FAH: variants seen among roughly 807,000 people sequenced by gnomAD.
FAH encodes fumarylacetoacetate hydrolase, also known as fumarylacetoacetase.
FAH carries 47 observed loss-of-function variants against 55.8 expected under a neutral mutation model. The ratio of observed to expected loss-of-function variants is 0.84; its 90% CI spans 0.67 to 1.07. The LOEUF is 1.07. Among genes scored for constraint, FAH ranks in the 50% least tolerant of loss-of-function variants. FAH has a pLI of 0.00. For missense variants in FAH, 495 were observed against 545.9 expected (o/e 0.91, Z 0.93); for synonymous variants, 199 against 207.7 (o/e 0.96, Z 0.36).
intron 13 of FAH, among the ~76,000 whole-genome samples, chr15:80,182,296 A>G (rs899712761): frequency 2.6e-5 from 4 of 152,098 alleles, no homozygotes; most frequent in Non-Finnish European, 5.9e-5. Flanking sequence ...CAGAAAATTT[A>G]CTATATAAGG....
intron 10 of FAH, 34 bp downstream of exon 10, chr15:80,175,125 T>C: frequency 1.9e-6 from 3 of 1,584,652 alleles, no homozygotes; most frequent in Non-Finnish European, 2.6e-6. Context: ...GGCCAGGAGC[T>C]CTGAGGCAAT....
At chr15:80,185,341 C>G (rs936349327) in intron 13 of FAH, among the ~76,000 whole-genome samples, 1 of 152,148 alleles carries the variant, frequency 6.6e-6, no homozygotes, top group African/African-American at 2.4e-5. Context: ...TGGGCACTAT[C>G]ATAAGATCCA....
intron 11 of FAH, among the ~76,000 whole-genome samples, chr15:80,177,916 A>G (rs2041297905): frequency 6.6e-6 from 1 of 152,192 alleles, no homozygotes; most frequent in African/African-American, 2.4e-5. Context: ...AGCATAATAT[A>G]CATAGATAAA....
chr15:80,177,601 T>C lies in FAH; in HGVS notation c.960+18T>C, dbSNP rs1300585175. The C allele has an allele frequency of 6.2e-7, 1 of 1,609,556 alleles. No homozygotes were observed. The highest frequency in any genetic ancestry group is 2.2e-5 in the East Asian group (1 of 44,856). The stretch of plus-strand genomic sequence containing the variant: ...ATTTTAAGGTAAGCTTTGACGCTGA[T>C]CAGACTGCTTTTTAGAATTGAGGGA... On this transcript the variant is annotated intron_variant, in intron 11 of 13. Transcript: ENST00000561421.
chr15:80,155,702 A>G (rs900726581), intron 1 of FAH, among the ~76,000 whole-genome samples: 12 of 151,972 alleles, frequency 7.9e-5, no homozygotes, highest in African/African-American at 2.9e-4. Flanking sequence ...ACTGATATTT[A>G]TTGCACACAA....
upstream of FAH, chr15:80,152,854 G>T: frequency 1.7e-6 from 1 of 577,444 alleles, no homozygotes; most frequent in Non-Finnish European, 3.1e-6. Flanking sequence ...AGGGGGGAGG[G>T]GCAGGGCTCG....
At chr15:80,185,482 C>G (rs1447926750) in intron 13 of FAH, among the ~76,000 whole-genome samples, 4 of 152,210 alleles carry the variant, frequency 2.6e-5, no homozygotes, top group Non-Finnish European at 5.9e-5. Flanking sequence ...AACCCAAACC[C>G]ATGTGGGGAG....
At chr15:80,173,659 ACT>A in intron 9 of FAH, 6 of 238,632 alleles carry the variant, frequency 2.5e-5, no homozygotes, top group East Asian at 2.2e-4. Context: ...AATCTGCCCC[ACT>A]CCATCACTGG....
At position 80,172,272 on chromosome 15, in the gene FAH, G is replaced by C. The variant is rs371479394; in HGVS notation, c.706+24G>C. ...TGGTAATTACTGGAGCTCTGCTCCT[G>C]TAGAGATGACGGGGAGGAGGCTGGG... is the stretch of plus-strand genomic sequence containing the variant. On this transcript the variant is annotated intron_variant, in intron 8 of 13. Coordinates refer to ENST00000561421, the MANE Select transcript of FAH (RefSeq NM_000137.4). The C allele has an allele frequency of 6.4e-6, 10 of 1,553,956 alleles. No individual in the cohort carries two copies. The Admixed American group carries it at 1.2e-4, about 18-fold the overall frequency.
rs1162396372 is a variant in FAH, at chr15:80,153,040, C to G, written c.-15C>G. The G allele has an allele frequency of 1.2e-6, 2 of 1,611,748 alleles. No individual in the cohort carries two copies. The highest frequency in any genetic ancestry group is 1.7e-6 in the Non-Finnish European group (2 of 1,179,290). On this transcript the variant is annotated 5_prime_UTR_variant, in exon 1 of 14. Coordinates refer to ENST00000561421, the MANE Select transcript of FAH (RefSeq NM_000137.4). ...CGCCACCTTAGGCCCGCAGCCGTGC[C>G]GGGTGCTCTTCAGCATGTCCTTCAT...
intron 1 of FAH, chr15:80,157,501 A>C (rs1309497107): frequency 5.9e-6 from 1 of 169,456 alleles, no homozygotes; most frequent in Non-Finnish European, 1.3e-5. Context: ...TACAGAAAGG[A>C]ACTTGCCTTG....
chr15:80,181,204 C>T lies in FAH; in HGVS notation c.1180+45C>T, dbSNP rs763438036. 7.3e-6 allele frequency: 10 copies of T among 1,377,734 alleles called. No individual in the cohort carries two copies. The Admixed American group carries it at 1.7e-4, about 23-fold the overall frequency. 85.3% of individuals were successfully genotyped at this position (1,377,734 alleles called of 1,614,324 possible). On this transcript the variant is annotated intron_variant, in intron 13 of 13. Transcript: ENST00000561421. ...GCAGCTCGTCTTCCTCCTTGCCCGCCATGCACTGTTCTAGCTGCGGGGCGC... is the reference window on the plus strand; with the variant it reads ...GCAGCTCGTCTTCCTCCTTGCCCGCTATGCACTGTTCTAGCTGCGGGGCGC...
intron 1 of FAH, 126 bp from the exon 2 acceptor site, chr15:80,157,934 C>G: frequency 1.3e-6 from 1 of 745,736 alleles, no homozygotes; most frequent in Admixed American, 1.9e-5. Context: ...GTTCTTCAGT[C>G]CGCTCTGCAT....
intron 10 of FAH, 157 bp from the exon 11 acceptor site, chr15:80,177,380 T>G: frequency 2.8e-6 from 2 of 716,226 alleles, no homozygotes; most frequent in South Asian, 3.1e-5. Context: ...ACCCTGGACC[T>G]CCCAGCTCTG....
chr15:80,162,422 C>A, intron 5 of FAH, 86 bp downstream of exon 5: 1 of 1,172,190 alleles, frequency 8.5e-7, no homozygotes, highest in Non-Finnish European at 1.3e-6. Context: ...CTGCCAAGTT[C>A]TTCTTAAAGT....
intron 10 of FAH, among the ~76,000 whole-genome samples, chr15:80,176,307 T>C (rs1330523021): frequency 3.9e-5 from 6 of 152,248 alleles, no homozygotes; most frequent in African/African-American, 1.4e-4. Flanking sequence ...TGAGCCACCA[T>C]GCCCGGCCAG....
At position 80,168,707 on chromosome 15, in the gene FAH, C is replaced by T. The variant is rs188053232; in HGVS notation, c.606+391C>T. 1.1e-4 allele frequency among the ~76,000 whole-genome samples: 16 copies of T among 152,240 alleles called. No homozygotes were observed. The East Asian group carries it at 1.3e-3, about 13-fold the overall frequency. On this transcript the variant is annotated intron_variant, in intron 7 of 13. Transcript: ENST00000561421. ...AAACATGTGTCCTTTGTAGTCTATT[C>T]GGTGCCATGTTTTTTGCAGATCTGT... is the stretch of plus-strand genomic sequence containing the variant.
intron 8 of FAH, 87 bp from the exon 9 acceptor site, chr15:80,172,927 T>C: frequency 6.3e-7 from 1 of 1,576,680 alleles, no homozygotes; most frequent in Non-Finnish European, 8.7e-7. Flanking sequence ...GCTAGGTGTC[T>C]CTGCTCCTTG....
chr15:80,159,562 G>C (rs987482359), intron 2 of FAH, among the ~76,000 whole-genome samples, 194 bp from the exon 3 acceptor site: 7 of 152,210 alleles, frequency 4.6e-5, no homozygotes, highest in African/African-American at 1.7e-4. Flanking sequence ...AGGGCCTGAG[G>C]CAACGTCAAG....
Sources: gnomAD v4.1 joint callset for allele counts (sites outside exome capture counted in the v4.1 genomes callset) on GRCh38, gnomAD v4.1.1 for gene constraint, MANE v1.5 for transcripts, NCBI Gene and HGNC (gene_info 2026-07-23, HGNC 2026-07-21) for gene names.